ODF2: variants seen among roughly 807,000 people sequenced by gnomAD.
The protein encoded by ODF2 is outer dense fiber protein 2.
Under a neutral mutation model 110.2 loss-of-function variants are expected in ODF2, and 47 were observed. The observed-to-expected ratio is 0.43, with a 90% CI of 0.34 to 0.54. The LOEUF is 0.54. Ranked by LOEUF, ODF2 falls within the 20% of genes least tolerant of loss-of-function variation. The pLI is 0.03. For missense variants in ODF2, 812 were observed against 1,054.5 expected, an observed-to-expected ratio of 0.77 and a Z score of 3.19; for synonymous variants, 352 against 397.7, an observed-to-expected ratio of 0.89 and a Z score of 1.37.
intron 14 of ODF2, among the ~76,000 whole-genome samples, chr9:128,491,738 A>G (rs1347723208): frequency 3.3e-5 from 5 of 152,188 alleles, no homozygotes; most frequent in African/African-American, 9.6e-5. Context: ...ACTATGTTAC[A>G]TAGCAGTAAG....
chr9:128,497,440 AAAAAAAATATATATATATAT>A (rs1401450712), intron 18 of ODF2: 3 of 91,032 alleles, frequency 3.3e-5, no homozygotes, highest in African/African-American at 2.0e-4. Context: ...AAAAAAAAAA[AAAAAAAATATATATATATAT>A]ATATATATAT....
chr9:128,482,208 G>T (rs769521405), intron 9 of ODF2, among the ~76,000 whole-genome samples: 1 of 152,230 alleles, frequency 6.6e-6, no homozygotes, highest in Non-Finnish European at 1.5e-5. Flanking sequence ...GCTTTTGTAA[G>T]TCTCCAAGAG....
At chr9:128,481,425 C>G (rs1842374314) in intron 8 of ODF2, among the ~76,000 whole-genome samples, 155 bp from the exon 9 acceptor site, 1 of 150,990 alleles carries the variant, frequency 6.6e-6, no homozygotes, top group South Asian at 2.1e-4. Context: ...TGCAGTGAGC[C>G]ATGATTGCAC....
At chr9:128,490,253 A>C (rs182863663) in intron 14 of ODF2, among the ~76,000 whole-genome samples, 134 of 152,184 alleles carry the variant, frequency 8.8e-4, no homozygotes, top group African/African-American at 3.1e-3. Context: ...GGTCATTCAA[A>C]ATGATGTTTG....
chr9:128,494,428 G>A lies in ODF2; in HGVS notation c.1753-82G>A, dbSNP rs1231735779. ...TGTCAGCCCTGCCCTAACTCTAAAG[G>A]ACTCTGCCTGGCTCCACTAGGAGCC... is the stretch of plus-strand genomic sequence containing the variant. On this transcript the variant is annotated intron_variant, in intron 16 of 20. Coordinates refer to ENST00000604420, the Ensembl canonical transcript of ODF2. The surrounding 1 kb of genome is among the most constrained non-coding windows in gnomAD (Gnocchi z 4.6). 1 of 1,299,510 alleles carries A rather than the reference G, an allele frequency of 7.7e-7. No individual in the cohort carries two copies. Among genetic ancestry groups the A allele is most frequent in the Non-Finnish European group, 1.1e-6 (1 of 911,466 alleles). The allele number at this position is 1,299,510 out of a possible 1,614,324, so 80.5% of individuals were successfully genotyped here.
At chr9:128,457,871 GA>G (rs1426531566) in intron 2 of ODF2, among the ~76,000 whole-genome samples, 5 of 150,886 alleles carry the variant, frequency 3.3e-5, no homozygotes, top group Non-Finnish European at 7.4e-5. Flanking sequence ...AATGATTAGG[GA>G]AAAAAGCCTG....
At chr9:128,470,018 A>AAAATAT (rs1554829083) in intron 5 of ODF2, among the ~76,000 whole-genome samples, 1 of 16,986 alleles carries the variant, frequency 5.9e-5, no homozygotes, top group Non-Finnish European at 9.6e-5. Context: ...AAAAAAAAAA[A>AAAATAT]ATATATATAT....
chr9:128,471,679 T>C (rs967738650), intron 6 of ODF2, among the ~76,000 whole-genome samples: 8 of 151,888 alleles, frequency 5.3e-5, no homozygotes, highest in African/African-American at 1.7e-4. Context: ...ACCCCGTGGA[T>C]TGTGGTGTGG....
At chr9:128,457,816 TGA>T (rs1265891318) in intron 2 of ODF2, among the ~76,000 whole-genome samples, 1 of 152,048 alleles carries the variant, frequency 6.6e-6, no homozygotes, top group Non-Finnish European at 1.5e-5. Flanking sequence ...AGAAACCCAC[TGA>T]GAGATTTCCC....
rs115245613 is a variant in ODF2 at position 128,494,490 on chromosome 9, G to A, written c.1753-20G>A. ...AACTGTGGGTCTTTCCTTCCTGTGG[G>A]TCTTTCCTTCCTGTTTCAGGCACGA... On this transcript the variant is annotated intron_variant, in intron 16 of 20. Transcript: ENST00000604420. The surrounding 1 kb of genome is among the most constrained non-coding windows in gnomAD (Gnocchi z 4.6). The A allele has an allele frequency of 1.3e-3, 2,032 of 1,609,864 alleles. 18 individuals carry two copies. The African/African-American group carries it at 0.024, about 19-fold the overall frequency.
intron 6 of ODF2, 137 bp from the exon 7 acceptor site, chr9:128,472,776 C>T (rs1023384183): frequency 2.2e-6 from 3 of 1,362,708 alleles, no homozygotes; most frequent in African/African-American, 2.9e-5. Context: ...CCACCCAGGC[C>T]AGAAGGGCTG....
At position 128,460,543 on chromosome 9, in the gene ODF2, C is replaced by T. The variant is rs752007670; in HGVS notation, c.124-399C>T. The T allele has an allele frequency of 3.7e-6, 6 of 1,613,400 alleles. No homozygotes were observed. Among genetic ancestry groups the T allele is most frequent in the Non-Finnish European group, 5.1e-6 (6 of 1,179,880 alleles). On this transcript the variant is annotated intron_variant, in intron 3 of 20. Transcript: ENST00000604420. ...CCATTTTTGTGTTGTCCTCCCCCAC[C>T]TGCCAGAAGCCAACCATGAAGGACC...
At chr9:128,498,890 A>G (rs186631207) in intron 19 of ODF2, 111 bp from the exon 20 acceptor site, 379 of 1,395,510 alleles carry the variant, frequency 2.7e-4, no homozygotes, top group Non-Finnish European at 3.4e-4. Context: ...ACAGTCCACA[A>G]TGATGTGCAA....
In ODF2 at chr9:128,485,789, A is replaced by C. The variant is rs1843249110; in HGVS notation, c.1400+315A>C. ...TGTCCTCAGTCTACACAGCATTTGAAATGGGCACCGTGGTGTCCTCATTCC... is the reference window on the plus strand; with the variant it reads ...TGTCCTCAGTCTACACAGCATTTGACATGGGCACCGTGGTGTCCTCATTCC... On this transcript the variant is annotated intron_variant, in intron 13 of 20. Transcript: ENST00000604420. This position sits in a 1 kb window ranked among gnomAD's most constrained non-coding sequence, Gnocchi z 5.0. Among the ~76,000 whole-genome samples, 2 of 152,048 alleles carry C rather than the reference A, an allele frequency of 1.3e-5. No homozygotes were observed. Among genetic ancestry groups the C allele is most frequent in the South Asian group, 4.1e-4 (2 of 4,824 alleles).
intron 8 of ODF2, among the ~76,000 whole-genome samples, chr9:128,474,016 AAG>A (rs1840673463): frequency 1.3e-5 from 2 of 152,144 alleles, no homozygotes; most frequent in African/African-American, 4.8e-5. Context: ...GGGCATAGAA[AAG>A]AGAGTTCCAG....
chr9:128,500,002 A>G (rs747734994), intron 20 of ODF2, 65 bp from the exon 21 acceptor site: 85 of 1,575,994 alleles, frequency 5.4e-5, no homozygotes, highest in Non-Finnish European at 6.5e-5. Flanking sequence ...GAAAGTCCCT[A>G]TGTCTCTATG....
intron 7 of ODF2, chr9:128,473,379 C>A: frequency 3.1e-6 from 2 of 635,398 alleles, no homozygotes; most frequent in Non-Finnish European, 3.9e-6. Flanking sequence ...CTGTGCTCAC[C>A]CACACTGAGC....
chr9:128,476,507 C>T (rs980019055), intron 8 of ODF2, among the ~76,000 whole-genome samples: 7 of 151,984 alleles, frequency 4.6e-5, no homozygotes, highest in African/African-American at 1.2e-4. Context: ...AGGCTGGTCT[C>T]GAACTCCTGA....
rs764690288 is a variant in ODF2, at chr9:128,456,158, A to T, written c.-306A>T. ...GCGGGGAGGAGCCGCTGCCAGAGCC[A>T]GACTGCATCCGCCGCGGCGTCTCCA... On this transcript the variant is annotated 5_prime_UTR_variant, in exon 1 of 21. Transcript: ENST00000604420. The T allele has an allele frequency of 3.2e-6, 5 of 1,549,200 alleles. No homozygotes were observed. The South Asian group carries it at 4.8e-5, about 15-fold the overall frequency.
Sources: gnomAD v4.1 joint callset for allele counts (sites outside exome capture counted in the v4.1 genomes callset) on GRCh38, gnomAD v4.1.1 for gene constraint, Gnocchi (gnomAD v3.1) non-coding constraint, MANE v1.5 for transcripts, NCBI Gene and HGNC (gene_info 2026-07-23, HGNC 2026-07-21) for gene names.